Variants in HOMER2 observed in about 807,000 individuals in gnomAD.
HOMER2 encodes homer scaffold protein 2.
Under a neutral mutation model 47.0 loss-of-function variants are expected in HOMER2, and 27 were observed. The ratio of observed to expected loss-of-function variants is 0.57; its 90% CI spans 0.42 to 0.79. The LOEUF is 0.79. Among genes scored for constraint, HOMER2 ranks in the 30% least tolerant of loss-of-function variants. The pLI, the probability that HOMER2 is intolerant of heterozygous loss-of-function variation, is 0.00. For synonymous variants in HOMER2, 161 were observed against 163.8 expected, an observed-to-expected ratio of 0.98 and a Z score of 0.13; for missense variants, 443 against 435.0, an observed-to-expected ratio of 1.02 and a Z score of -0.16.
intron 3 of HOMER2, among the ~76,000 whole-genome samples, chr15:82,870,806 T>C (rs1348846427): frequency 6.6e-6 from 1 of 152,138 alleles, no homozygotes; most frequent in Non-Finnish European, 1.5e-5. Context: ...CAAAAGCAAA[T>C]GCCATGCACG....
At chr15:82,878,656 C>T (rs967654306) in intron 2 of HOMER2, among the ~76,000 whole-genome samples, 2 of 152,194 alleles carry the variant, frequency 1.3e-5, no homozygotes, top group African/African-American at 4.8e-5. Flanking sequence ...GAGATAGGGT[C>T]TTGCTCTGTT....
intron 4 of HOMER2, 24 bp from the exon 5 acceptor site, chr15:82,859,159 G>A (rs964166293): frequency 1.1e-5 from 18 of 1,613,712 alleles, no homozygotes; most frequent in South Asian, 2.2e-5. Context: ...GGGGTTTCAC[G>A]CCCAGATTCC....
intron 7 of HOMER2, among the ~76,000 whole-genome samples, chr15:82,851,787 T>G (rs1395257580): frequency 6.6e-6 from 1 of 152,216 alleles, no homozygotes; most frequent in East Asian, 1.9e-4. Flanking sequence ...ATTTTAAATT[T>G]TTTTAAAAAA....
At chr15:82,881,931 A>C (rs11856798) in intron 2 of HOMER2, among the ~76,000 whole-genome samples, 7,069 of 152,318 alleles carry the variant, frequency 0.046, 522 homozygotes, top group African/African-American at 0.16. Flanking sequence ...TCTTGTCCAC[A>C]GGCAGGCAGT....
At chr15:82,902,996 G>A (rs1043868712) in intron 1 of HOMER2, among the ~76,000 whole-genome samples, 1 of 152,176 alleles carries the variant, frequency 6.6e-6, no homozygotes, top group Admixed American at 6.5e-5. Flanking sequence ...ATGATCGGTT[G>A]ATCTTCCACT....
At chr15:82,929,567 A>C (rs1188430079) in intron 1 of HOMER2, among the ~76,000 whole-genome samples, 1 of 150,536 alleles carries the variant, frequency 6.6e-6, no homozygotes, top group Non-Finnish European at 1.5e-5. Context: ...GAGGCAAGAG[A>C]ATCACTTGAA....
At chr15:82,856,020 T>C (rs1165270293) in intron 5 of HOMER2, among the ~76,000 whole-genome samples, 1 of 152,156 alleles carries the variant, frequency 6.6e-6, no homozygotes, top group Non-Finnish European at 1.5e-5. Context: ...TTTTTTTAAG[T>C]AAATACAATG....
chr15:82,964,175 A>C (rs935551208), intron 1 of HOMER2, among the ~76,000 whole-genome samples: 8 of 152,158 alleles, frequency 5.3e-5, no homozygotes, highest in African/African-American at 1.9e-4. Flanking sequence ...ACCAACTATA[A>C]TTGTCAGAGC....
At chr15:82,870,971 C>T (rs2052156808) in intron 3 of HOMER2, among the ~76,000 whole-genome samples, 1 of 152,238 alleles carries the variant, frequency 6.6e-6, no homozygotes, top group African/African-American at 2.4e-5. Flanking sequence ...CAGAAAGAAA[C>T]TAAACTTTAA....
chr15:82,943,134 C>T (rs957643915), intron 1 of HOMER2, among the ~76,000 whole-genome samples: 3 of 152,318 alleles, frequency 2.0e-5, no homozygotes, highest in African/African-American at 7.2e-5. Flanking sequence ...ACTTGGCCAT[C>T]ATTTACTATT....
Position 82,939,081 on chromosome 15 carries a change from A to G in HOMER2, c.5+13450T>C, listed in dbSNP as rs28503479. Among the ~76,000 whole-genome samples, 1,088 of 152,296 alleles carry G rather than the reference A, an allele frequency of 7.1e-3. 15 individuals carry two copies. The highest frequency in any genetic ancestry group is 0.025 in the African/African-American group (1,047 of 41,560). Reference sequence around the variant, plus strand: ...CTCCCAAATCTGTATCTCTGACTCTATCTGAACTGTTGAGTGTTAGAGCTG... The same window carrying G: ...CTCCCAAATCTGTATCTCTGACTCTGTCTGAACTGTTGAGTGTTAGAGCTG... On this transcript the variant is annotated intron_variant, in intron 1 of 8. Transcript: ENST00000450735.
chr15:82,863,022 T>A (rs62011709), intron 4 of HOMER2, among the ~76,000 whole-genome samples: 36,230 of 151,902 alleles, frequency 0.24, 4,624 homozygotes, highest in African/African-American at 0.3. Flanking sequence ...TGGGCCTATT[T>A]CCTAGGGCTC....
chr15:82,967,218 T>C (rs1324826583), intron 1 of HOMER2, among the ~76,000 whole-genome samples: 1 of 152,058 alleles, frequency 6.6e-6, no homozygotes, highest in African/African-American at 2.4e-5. Flanking sequence ...CCCACTCCAC[T>C]CCAGCCTGGG....
intron 1 of HOMER2, among the ~76,000 whole-genome samples, chr15:82,911,824 G>A (rs2053460928): frequency 6.6e-6 from 1 of 152,134 alleles, no homozygotes. Flanking sequence ...GAGGTCAGGA[G>A]TTCGAGACCA....
At chr15:82,840,631 C>G (rs528819007) in exon 2 of HOMER2, 1 of 151,808 alleles carries the variant, frequency 6.6e-6, no homozygotes, top group African/African-American at 2.4e-5. Context: ...TTTTTAGTAG[C>G]GACTATGTTG....
At chr15:82,953,433 G>A (rs1218425365), upstream of HOMER2, among the ~76,000 whole-genome samples, 1 of 152,128 alleles carries the variant, frequency 6.6e-6, no homozygotes, top group African/African-American at 2.4e-5. Context: ...GGCTCTCTTC[G>A]TCGCCTTTCT....
chr15:82,960,009 C>T (rs1035894441), intron 1 of HOMER2, among the ~76,000 whole-genome samples: 2 of 152,192 alleles, frequency 1.3e-5, no homozygotes, highest in Non-Finnish European at 2.9e-5. Context: ...CGATTGGCAG[C>T]AGCACAACGA....
At chr15:82,950,390 T>C (rs2054480407) in intron 1 of HOMER2, among the ~76,000 whole-genome samples, 1 of 152,074 alleles carries the variant, frequency 6.6e-6, no homozygotes, top group Admixed American at 6.5e-5. Context: ...CCTTAAATCC[T>C]AGTCCTGTCT....
intron 4 of HOMER2, among the ~76,000 whole-genome samples, chr15:82,861,690 A>G (rs770020469): frequency 4.6e-5 from 7 of 152,164 alleles, no homozygotes; most frequent in Non-Finnish European, 1.0e-4. Context: ...GAAACCAAGT[A>G]ATTGTGTGAT....
Sources: allele counts gnomAD v4.1 joint callset (sites outside exome capture counted in the v4.1 genomes callset), GRCh38; gene constraint gnomAD v4.1.1; transcripts MANE v1.5; gene names NCBI Gene and HGNC (gene_info 2026-07-23, HGNC 2026-07-21).